The following FMN1 variants were observed in gnomAD, a reference collection of about 807,000 sequenced individuals.
The protein encoded by FMN1 is formin 1, also known as formin-1.
Under a neutral mutation model 132.4 loss-of-function variants are expected in FMN1, and 110 were observed. That is an observed-to-expected ratio of 0.83 (90% CI 0.71 to 0.97). FMN1 has a LOEUF of 0.97. FMN1 is among the 50% of genes least tolerant of loss of function. The pLI is 0.00. For missense variants in FMN1, 1,792 were observed against 1,705.3 expected, an observed-to-expected ratio of 1.05 and a Z score of -0.90; for synonymous variants, 722 against 651.7, an observed-to-expected ratio of 1.11 and a Z score of -1.64.
intron 6 of FMN1, among the ~76,000 whole-genome samples, chr15:33,045,236 G>A (rs1486546435): frequency 2.0e-5 from 3 of 152,230 alleles, no homozygotes; most frequent in African/African-American, 7.2e-5. Flanking sequence ...GCTGCAGCCA[G>A]CATGCCTGGC....
At chr15:32,902,643 G>C (rs2060325478) in intron 12 of FMN1, among the ~76,000 whole-genome samples, 1 of 152,104 alleles carries the variant, frequency 6.6e-6, no homozygotes, top group African/African-American at 2.4e-5. Context: ...TTAGAACAAA[G>C]CAGGCACTCA....
At position 33,100,172 on chromosome 15, in the gene FMN1, T is replaced by C. The variant is rs938582659; in HGVS notation, c.1868-11198A>G. On this transcript the variant is annotated intron_variant, in intron 4 of 20. Transcript: ENST00000616417. ...TTAGTGCCTAACGAAATGAATCTTT[T>C]TGGTAGAATAGAATATTTTGAACTG... 3.3e-5 allele frequency among the ~76,000 whole-genome samples: 5 copies of C among 151,876 alleles called. No homozygotes were observed. The East Asian group carries it at 9.7e-4, about 29-fold the overall frequency.
intron 17 of FMN1, among the ~76,000 whole-genome samples, chr15:32,846,438 T>C (rs1428759368): frequency 1.3e-5 from 2 of 152,036 alleles, no homozygotes; most frequent in Non-Finnish European, 2.9e-5. Flanking sequence ...TCAAGACATT[T>C]ATGCGGCCAA....
intron 4 of FMN1, among the ~76,000 whole-genome samples, chr15:33,092,407 C>T (rs941034594): frequency 2.6e-5 from 4 of 152,196 alleles, no homozygotes; most frequent in Admixed American, 6.5e-5. Flanking sequence ...CACGCACCCA[C>T]GGCCTTTTCT....
chr15:32,880,292 A>AT (rs201366333), intron 16 of FMN1, among the ~76,000 whole-genome samples: 6 of 151,612 alleles, frequency 4.0e-5, no homozygotes, highest in South Asian at 4.2e-4. Context: ...TGCTCTCAGA[A>AT]TTTTTTTTTC....
At chr15:32,846,010 A>G (rs1483181880) in intron 17 of FMN1, among the ~76,000 whole-genome samples, 1 of 152,102 alleles carries the variant, frequency 6.6e-6, no homozygotes, top group Non-Finnish European at 1.5e-5. Flanking sequence ...AATCACATAG[A>G]AAGGTTAAGT....
intron 15 of FMN1, among the ~76,000 whole-genome samples, chr15:32,893,066 G>A (rs529223101): frequency 6.6e-6 from 1 of 152,120 alleles, no homozygotes; most frequent in African/African-American, 2.4e-5. Flanking sequence ...TTATCACTAT[G>A]TTTTCTTGTA....
chr15:32,929,057 T>C (rs1210416445), intron 9 of FMN1, among the ~76,000 whole-genome samples: 1 of 152,232 alleles, frequency 6.6e-6, no homozygotes, highest in African/African-American at 2.4e-5. Flanking sequence ...TTTTGTCGAA[T>C]GACTTGGCAC....
chr15:33,051,822 G>C (rs1027137861), intron 6 of FMN1, among the ~76,000 whole-genome samples: 1 of 152,162 alleles, frequency 6.6e-6, no homozygotes, highest in Non-Finnish European at 1.5e-5. Context: ...CCGGGGAGAA[G>C]GACGCAAGAC....
chr15:33,085,357 G>A (rs1450872160), intron 5 of FMN1, among the ~76,000 whole-genome samples: 1 of 152,006 alleles, frequency 6.6e-6, no homozygotes, highest in Non-Finnish European at 1.5e-5. Context: ...GGGGAGAAGG[G>A]CTTGAGGTGA....
intron 19 of FMN1, among the ~76,000 whole-genome samples, chr15:32,787,244 G>A (rs2056910916): frequency 6.6e-6 from 1 of 152,164 alleles, no homozygotes; most frequent in African/African-American, 2.4e-5. Flanking sequence ...TAGGCTATGT[G>A]GAATGTTTCC....
At chr15:32,878,777 A>T (rs2059695378) in intron 16 of FMN1, among the ~76,000 whole-genome samples, 1 of 152,218 alleles carries the variant, frequency 6.6e-6, no homozygotes, top group African/African-American at 2.4e-5. Context: ...CTTCTGACCC[A>T]GACTTTTCTA....
At chr15:33,132,651 C>G (rs539762011) in intron 4 of FMN1, among the ~76,000 whole-genome samples, 1 of 152,306 alleles carries the variant, frequency 6.6e-6, no homozygotes, top group Admixed American at 6.5e-5. Flanking sequence ...AAACCTGCAG[C>G]TTTCCAGCCT....
At chr15:32,864,945 A>G (rs1316128058) in intron 16 of FMN1, among the ~76,000 whole-genome samples, 2 of 152,252 alleles carry the variant, frequency 1.3e-5, no homozygotes, top group African/African-American at 2.4e-5. Flanking sequence ...AAGTACAAGT[A>G]CATACTACTA....
At chr15:33,192,471 GC>G (rs1231236550) in intron 2 of FMN1, among the ~76,000 whole-genome samples, 1 of 152,230 alleles carries the variant, frequency 6.6e-6, no homozygotes, top group Non-Finnish European at 1.5e-5. Flanking sequence ...CACAGTCAAT[GC>G]ATTGAACACT....
chr15:33,128,861 A>C (rs1381893687), intron 4 of FMN1, among the ~76,000 whole-genome samples: 1 of 152,254 alleles, frequency 6.6e-6, no homozygotes. Context: ...AGCAGACTGC[A>C]GAGGCCTGCG....
chr15:33,107,575 AT>A (rs2039534883), intron 4 of FMN1, among the ~76,000 whole-genome samples: 2 of 152,162 alleles, frequency 1.3e-5, no homozygotes, highest in East Asian at 3.9e-4. Flanking sequence ...TGCCTTTGGC[AT>A]TTACACTGGT....
intron 10 of FMN1, among the ~76,000 whole-genome samples, chr15:32,920,799 A>G (rs1362934030): frequency 1.3e-5 from 2 of 152,210 alleles, no homozygotes; most frequent in Non-Finnish European, 2.9e-5. Flanking sequence ...ATCTGATGTG[A>G]GCAACCGTAG....
chr15:33,069,056 C>T (rs776229449), intron 5 of FMN1, among the ~76,000 whole-genome samples: 4 of 152,178 alleles, frequency 2.6e-5, no homozygotes, highest in Non-Finnish European at 5.9e-5. Flanking sequence ...ATTTGAAGAT[C>T]CCCAAGGATC....
Sources: allele counts gnomAD v4.1 joint callset (sites outside exome capture counted in the v4.1 genomes callset), GRCh38; gene constraint gnomAD v4.1.1; transcripts MANE v1.5; gene names NCBI Gene and HGNC (gene_info 2026-07-23, HGNC 2026-07-21).